The following NCOR1 variants were observed in gnomAD, a reference collection of about 807,000 sequenced individuals.
NCOR1 encodes the protein nuclear receptor corepressor 1.
NCOR1 carries 63 observed loss-of-function variants against 288.1 expected under a neutral mutation model. The ratio of observed to expected loss-of-function variants is 0.22; its 90% CI spans 0.18 to 0.27. The LOEUF (loss-of-function observed/expected upper bound fraction) is 0.27. Ranked by LOEUF, NCOR1 falls within the 10% of genes least tolerant of loss-of-function variation. The pLI is 1.00. For missense variants in NCOR1, 2,397 were observed against 3,019.2 expected (o/e 0.79, Z 4.83); for synonymous variants, 1,007 against 1,065.9 (o/e 0.94, Z 1.08).
chr17:16,134,556 C>T (rs1219838084), intron 14 of NCOR1, among the ~76,000 whole-genome samples: 1 of 152,208 alleles, frequency 6.6e-6, no homozygotes, highest in Non-Finnish European at 1.5e-5. Flanking sequence ...AGAACACCAA[C>T]ATGGCTGGAT....
intron 44 of NCOR1, among the ~76,000 whole-genome samples, chr17:16,038,355 A>G (rs2056844307): frequency 6.6e-6 from 1 of 152,222 alleles, no homozygotes; most frequent in African/African-American, 2.4e-5. Context: ...TGTCTGAAAC[A>G]ATGCTTATCA....
At chr17:16,155,395 A>C (rs1184245052) in intron 6 of NCOR1, among the ~76,000 whole-genome samples, 1 of 151,312 alleles carries the variant, frequency 6.6e-6, no homozygotes, top group African/African-American at 2.4e-5. Flanking sequence ...ACACACACCC[A>C]CAAAGATATT....
At chr17:16,077,536 A>G (rs1251197723) in intron 26 of NCOR1, among the ~76,000 whole-genome samples, 2 of 16,624 alleles carry the variant, frequency 1.2e-4, no homozygotes, top group African/African-American at 3.1e-4. Context: ...GAGGGGGAGG[A>G]GAGGGGAGGA....
chr17:16,169,431 A>C (rs2082692567), intron 4 of NCOR1, among the ~76,000 whole-genome samples: 1 of 152,236 alleles, frequency 6.6e-6, no homozygotes, highest in South Asian at 2.1e-4. Context: ...TATAAATGAT[A>C]TACCTAGGCT....
intron 4 of NCOR1, among the ~76,000 whole-genome samples, chr17:16,165,514 T>A (rs2081858219): frequency 1.3e-5 from 2 of 152,208 alleles, no homozygotes; most frequent in African/African-American, 4.8e-5. Context: ...CAACGGCTCT[T>A]CAAATGGTCT....
At chr17:16,037,565 T>C (rs796779855) in intron 44 of NCOR1, among the ~76,000 whole-genome samples, 1 of 152,210 alleles carries the variant, frequency 6.6e-6, no homozygotes, top group Non-Finnish European at 1.5e-5. Flanking sequence ...AAGCCTTCTT[T>C]ACTGGCCTCA....
intron 42 of NCOR1, 167 bp from the exon 43 acceptor site, chr17:16,040,661 G>C: frequency 3.1e-6 from 2 of 639,842 alleles, no homozygotes; most frequent in Non-Finnish European, 5.4e-6. Context: ...TTTTTTTTTT[G>C]AGACAGGGTC....
At chr17:16,057,294 T>C (rs2060047234) in intron 40 of NCOR1, 1 of 550,744 alleles carries the variant, frequency 1.8e-6, no homozygotes, top group Non-Finnish European at 3.2e-6. Flanking sequence ...AAATAGAATA[T>C]AATCATCTTT....
chr17:16,054,624 T>C (rs767473210), intron 40 of NCOR1, among the ~76,000 whole-genome samples: 1 of 152,042 alleles, frequency 6.6e-6, no homozygotes, highest in Non-Finnish European at 1.5e-5. Context: ...TCAATATCAC[T>C]GATCATTAGA....
At position 16,092,064 on chromosome 17, in the gene NCOR1, G is replaced by A. The variant is rs1598442319; in HGVS notation, c.2821-6C>T. 6.2e-7 allele frequency: 1 copy of A among 1,612,646 alleles called. No individual in the cohort carries two copies. Reference sequence around the variant, plus strand: ...TTACATGGGGTGCAGGATACCTATAGGAAGAAAATAAATCGAAATATGCAA... The same window carrying A: ...TTACATGGGGTGCAGGATACCTATAAGAAGAAAATAAATCGAAATATGCAA... On this transcript the variant is annotated splice_polypyrimidine_tract_variant and splice_region_variant and intron_variant, in intron 21 of 45. Transcript: ENST00000268712.
intron 1 of NCOR1, among the ~76,000 whole-genome samples, chr17:16,207,055 G>A (rs539388806): frequency 6.6e-6 from 1 of 152,030 alleles, no homozygotes; most frequent in South Asian, 2.1e-4. Flanking sequence ...TCTTACATCA[G>A]GTATATTTAC....
At chr17:16,106,457 T>C (rs1044303893) in intron 19 of NCOR1, among the ~76,000 whole-genome samples, 1 of 151,210 alleles carries the variant, frequency 6.6e-6, no homozygotes, top group African/African-American at 2.4e-5. Context: ...CCTTAAAGAA[T>C]GATGTAGAAA....
intron 18 of NCOR1, among the ~76,000 whole-genome samples, chr17:16,114,473 T>C (rs1199206466): frequency 6.6e-6 from 1 of 152,168 alleles, no homozygotes; most frequent in Non-Finnish European, 1.5e-5. Flanking sequence ...CAAAAGTCCA[T>C]AGCCCAAAGT....
intron 30 of NCOR1, among the ~76,000 whole-genome samples, chr17:16,070,958 G>A (rs1489165508): frequency 6.6e-6 from 1 of 152,050 alleles, no homozygotes; most frequent in Non-Finnish European, 1.5e-5. Flanking sequence ...GAACCCAGGA[G>A]GCGGACGTTG....
intron 10 of NCOR1, among the ~76,000 whole-genome samples, chr17:16,146,137 T>G (rs2077965006): frequency 6.6e-6 from 1 of 152,232 alleles, no homozygotes; most frequent in East Asian, 1.9e-4. Flanking sequence ...TAATCTCAAG[T>G]ACCCAGGGAC....
At chr17:16,116,475 G>A (rs927928308) in intron 18 of NCOR1, among the ~76,000 whole-genome samples, 1 of 152,034 alleles carries the variant, frequency 6.6e-6, no homozygotes, top group Admixed American at 6.5e-5. Context: ...CTCATTTTTT[G>A]CTTGAAAACT....
chr17:16,154,039 T>A (rs1194814331), intron 6 of NCOR1, among the ~76,000 whole-genome samples: 1 of 133,650 alleles, frequency 7.5e-6, no homozygotes, highest in Non-Finnish European at 1.5e-5. Flanking sequence ...TTTTTTTTTT[T>A]TATTTGAGAC....
chr17:16,215,504 T>G lies in NCOR1; in HGVS notation c.-213A>C. On this transcript the variant is annotated 5_prime_UTR_variant, in exon 1 of 46. Transcript: ENST00000268712. ...CAGCCGCCGCCGCCGCCGCGGCTGCTGCTTCGCCACCTTGGCCGCCATCTT... is the reference window on the plus strand; with the variant it reads ...CAGCCGCCGCCGCCGCCGCGGCTGCGGCTTCGCCACCTTGGCCGCCATCTT... 2.5e-6 allele frequency: 1 copy of G among 398,694 alleles called. No homozygotes were observed. The highest frequency in any genetic ancestry group is 1.3e-4 in the South Asian group (1 of 7,876). The allele number at this position is 398,694 out of a possible 1,614,324, so 24.7% of individuals were successfully genotyped here.
At chr17:16,188,180 T>C (rs1193488173) in intron 2 of NCOR1, among the ~76,000 whole-genome samples, 9 of 152,074 alleles carry the variant, frequency 5.9e-5, no homozygotes, top group Non-Finnish European at 1.5e-5. Context: ...CATAAACAGA[T>C]AAAATTATGC....
Sources: gnomAD v4.1 joint callset for allele counts (sites outside exome capture counted in the v4.1 genomes callset) on GRCh38, gnomAD v4.1.1 for gene constraint, MANE v1.5 for transcripts, NCBI Gene and HGNC (gene_info 2026-07-23, HGNC 2026-07-21) for gene names.